Variants in POU2F1 observed in about 807,000 individuals in gnomAD.
POU2F1 encodes POU class 2 homeobox 1.
A neutral mutation model predicts 84.9 loss-of-function variants in POU2F1; 16 were observed. The ratio of observed to expected loss-of-function variants is 0.19; its 90% CI spans 0.13 to 0.29. The LOEUF (loss-of-function observed/expected upper bound fraction) is 0.29. Among genes scored for constraint, POU2F1 ranks in the 10% least tolerant of loss-of-function variants. The pLI is 1.00. For synonymous variants in POU2F1, 368 were observed against 368.3 expected (o/e 1.00, Z 0.01); for missense variants, 738 against 942.6 (o/e 0.78, Z 2.84).
intron 1 of POU2F1, among the ~76,000 whole-genome samples, chr1:167,288,495 C>T (rs1444238610): frequency 2.0e-5 from 3 of 152,168 alleles, no homozygotes; most frequent in South Asian, 4.2e-4. Context: ...TCGAGTCTAG[C>T]CCAGGCAACA....
chr1:167,221,042 T>G (rs1557824851), intron 1 of POU2F1, 84 bp downstream of exon 1: 1 of 1,213,700 alleles, frequency 8.2e-7, no homozygotes, highest in East Asian at 2.6e-5. Context: ...GCATAATTTA[T>G]TAGTACTCAG....
At chr1:167,406,283 A>G (rs1018078462) in intron 13 of POU2F1, among the ~76,000 whole-genome samples, 12 of 152,258 alleles carry the variant, frequency 7.9e-5, no homozygotes, top group Admixed American at 5.9e-4. Flanking sequence ...CAAAAACCAC[A>G]TAATCATCTC....
chr1:167,407,019 TTTTA>T (rs1355420732), intron 13 of POU2F1, among the ~76,000 whole-genome samples: 2 of 140,212 alleles, frequency 1.4e-5, no homozygotes, highest in African/African-American at 2.5e-5. Flanking sequence ...TATTTTTTTA[TTTTA>T]TTTATTTTAT....
At chr1:167,406,882 A>G (rs1649613936) in intron 13 of POU2F1, among the ~76,000 whole-genome samples, 1 of 152,094 alleles carries the variant, frequency 6.6e-6, no homozygotes, top group Non-Finnish European at 1.5e-5. Flanking sequence ...GAGACATTTC[A>G]TATTCCATGT....
At chr1:167,405,147 C>T (rs1164399319) in intron 13 of POU2F1, among the ~76,000 whole-genome samples, 1 of 152,048 alleles carries the variant, frequency 6.6e-6, no homozygotes, top group African/African-American at 2.4e-5. Context: ...GTAAAAATTC[C>T]ACAGCCCTTA....
At chr1:167,363,798 G>T (rs1039613246) in intron 2 of POU2F1, among the ~76,000 whole-genome samples, 2 of 152,152 alleles carry the variant, frequency 1.3e-5, no homozygotes, top group African/African-American at 4.8e-5. Flanking sequence ...TTATCTCAAG[G>T]AAACAAATAG....
At position 167,290,395 on chromosome 1, in the gene POU2F1, T is replaced by C. The variant is rs185220517; in HGVS notation, c.62-42075T>C. Among the ~76,000 whole-genome samples, 476 of 152,150 alleles carry C rather than the reference T, an allele frequency of 3.1e-3. 6 individuals carry two copies. The highest frequency in any genetic ancestry group is 1.7e-3 in the Non-Finnish European group (118 of 67,964). On this transcript the variant is annotated intron_variant, in intron 1 of 15. Transcript: ENST00000367866. ...CTGGGCGACAGAGCAAGGCCCTGTC[T>C]CAAAAAAAAGTGTAGCACGAAAACC...
chr1:167,234,214 G>C (rs1649283691), intron 1 of POU2F1, among the ~76,000 whole-genome samples: 1 of 152,226 alleles, frequency 6.6e-6, no homozygotes, highest in Non-Finnish European at 1.5e-5. Context: ...TTTAACCTCA[G>C]TGTTTGTACA....
At chr1:167,380,122 AG>A (rs1287325429) in intron 7 of POU2F1, 2 of 152,236 alleles carry the variant, frequency 1.3e-5, no homozygotes, top group African/African-American at 4.8e-5. Context: ...ATTATAATGT[AG>A]TAGCAAAGAG....
intron 2 of POU2F1, among the ~76,000 whole-genome samples, chr1:167,354,365 C>T (rs1571354397): frequency 6.6e-6 from 1 of 152,146 alleles, no homozygotes; most frequent in African/African-American, 2.4e-5. Flanking sequence ...AATCTCAGCT[C>T]ACTGCAACCT....
chr1:167,338,689 C>G (rs1657640903), intron 2 of POU2F1, among the ~76,000 whole-genome samples: 1 of 152,236 alleles, frequency 6.6e-6, no homozygotes, highest in Non-Finnish European at 1.5e-5. Flanking sequence ...TCCCTCTCCT[C>G]CACCTTTGGT....
intron 1 of POU2F1, among the ~76,000 whole-genome samples, chr1:167,243,301 A>G (rs1650048920): frequency 6.6e-6 from 1 of 152,190 alleles, no homozygotes; most frequent in Non-Finnish European, 1.5e-5. Flanking sequence ...TTAACTGTAA[A>G]AGCCCTTCCT....
At chr1:167,312,540 T>A (rs1655571765) in intron 1 of POU2F1, among the ~76,000 whole-genome samples, 1 of 149,950 alleles carries the variant, frequency 6.7e-6, no homozygotes, top group Middle Eastern at 3.2e-3. Context: ...AAAAGTCAAA[T>A]TTTTTTTTTA....
chr1:167,349,631 G>T (rs1181291989), intron 2 of POU2F1, among the ~76,000 whole-genome samples: 1 of 152,130 alleles, frequency 6.6e-6, no homozygotes, highest in African/African-American at 2.4e-5. Context: ...CTACTTAAGA[G>T]CAGTGACTGT....
At position 167,407,129 on chromosome 1, in the gene POU2F1, C is replaced by T. The variant is rs975757164; in HGVS notation, c.1556-4830C>T. ...CACTGCAGCCTCAACTTCCCAGGCTCAAGCAGTCCTCCCACTTCAGCCTCC... is the reference window on the plus strand; with the variant it reads ...CACTGCAGCCTCAACTTCCCAGGCTTAAGCAGTCCTCCCACTTCAGCCTCC... On this transcript the variant is annotated intron_variant, in intron 13 of 15. Transcript: ENST00000367866. Among the ~76,000 whole-genome samples, 5 of 152,096 alleles carry T rather than the reference C, an allele frequency of 3.3e-5. No individual in the cohort carries two copies. The East Asian group carries it at 9.6e-4, about 29-fold the overall frequency.
At chr1:167,318,834 G>A (rs1433491527) in intron 1 of POU2F1, among the ~76,000 whole-genome samples, 1 of 152,108 alleles carries the variant, frequency 6.6e-6, no homozygotes, top group Non-Finnish European at 1.5e-5. Flanking sequence ...ACCTCCACTG[G>A]GGGGGTCCAG....
chr1:167,376,120 A>C lies in POU2F1; in HGVS notation c.683A>C (p.Gln228Pro). 1 of 1,614,236 alleles carries C rather than the reference A, an allele frequency of 6.2e-7. No homozygotes were observed. Among genetic ancestry groups the C allele is most frequent in the Admixed American group, 1.7e-5 (1 of 60,030 alleles). Residue 228 changes from glutamine (Q) to proline (P), a missense_variant, in exon 7 of 16, where the codon CAG becomes CCG. Around this residue, in one of 4 missense-constraint regions of POU2F1, gnomAD observed 163 missense variants for 214.4 expected, o/e 0.76. Transcript: ENST00000367866. ...CCAACCACCAATTTGCAGCCAGCGC[A>C]GTTTATCATCTCACAGACGCCCCAG... is the stretch of plus-strand genomic sequence containing the variant. ...VHPTTNLQPA[Q>P]FIISQTPQGQ...
intron 12 of POU2F1, among the ~76,000 whole-genome samples, chr1:167,399,698 G>C (rs1649056745): frequency 6.6e-6 from 1 of 151,984 alleles, no homozygotes; most frequent in Non-Finnish European, 1.5e-5. Context: ...TTTTGAGACA[G>C]AGTCTCATTC....
chr1:167,314,907 G>T (rs1161020336), intron 1 of POU2F1, among the ~76,000 whole-genome samples: 6 of 152,092 alleles, frequency 3.9e-5, no homozygotes, highest in African/African-American at 1.4e-4. Flanking sequence ...AGATTATGAG[G>T]GTGGATCCCT....
Sources: allele counts gnomAD v4.1 joint callset (sites outside exome capture counted in the v4.1 genomes callset), GRCh38; gene constraint gnomAD v4.1.1; regional missense constraint gnomAD v4.1.1; transcripts MANE v1.5; gene names NCBI Gene and HGNC (gene_info 2026-07-23, HGNC 2026-07-21).